TPRA1: variants seen among roughly 807,000 people sequenced by gnomAD.
TPRA1 encodes the protein transmembrane protein adipocyte associated 1, also known as transmembrane protein adipocyte-associated 1.
In TPRA1, 28 loss-of-function variants were observed where a neutral mutation model predicts 40.1. The ratio of observed to expected loss-of-function variants is 0.70; its 90% CI spans 0.52 to 0.96. The LOEUF is 0.96. TPRA1 is among the 40% of genes least tolerant of loss of function. TPRA1 has a pLI of 0.00. For synonymous variants in TPRA1, 219 were observed against 209.7 expected (o/e 1.04, Z -0.38); for missense variants, 441 against 482.6 (o/e 0.91, Z 0.81).
chr3:127,596,819 A>G (rs916873723), intron 1 of TPRA1, among the ~76,000 whole-genome samples: 2 of 152,054 alleles, frequency 1.3e-5, no homozygotes, highest in African/African-American at 4.8e-5. Flanking sequence ...ACCAACACCT[A>G]TAGACCCCAC....
Position 127,575,390 on chromosome 3 carries a change from G to A in TPRA1, c.773+13C>T, listed in dbSNP as rs756620905. The A allele has an allele frequency of 5.1e-6, 8 of 1,574,020 alleles. No homozygotes were observed. In the South Asian group the frequency reaches 8.1e-5, roughly 16 times the overall value. ...TGCCCCCACGAGGCAGACACCCTGC[G>A]GCCCCCACGCACCAGAGCCCCTCGA... On this transcript the variant is annotated intron_variant, in intron 9 of 10. Coordinates refer to ENST00000355552, the MANE Select transcript of TPRA1 (RefSeq NM_001136053.4).
At chr3:127,578,980 C>T (rs1291648313) in intron 3 of TPRA1, among the ~76,000 whole-genome samples, 5 of 152,110 alleles carry the variant, frequency 3.3e-5, no homozygotes, top group African/African-American at 9.7e-5. Flanking sequence ...CGGAAGCCTA[C>T]ACCTGGAGAG....
intron 1 of TPRA1, among the ~76,000 whole-genome samples, chr3:127,580,817 A>G (rs2073808712): frequency 6.6e-6 from 1 of 152,254 alleles, no homozygotes; most frequent in Non-Finnish European, 1.5e-5. Context: ...ACACTGAGCC[A>G]TGCCTAGAAG....
upstream of TPRA1, chr3:127,598,230 GCACGCGCACAGCGCCGGGCCGCA>G (rs1424959745): frequency 5.0e-6 from 3 of 603,090 alleles, no homozygotes; most frequent in African/African-American, 5.8e-5. Flanking sequence ...GCAGGCGAGC[GCACGCGCACAGCGCCGGGCCGCA>G]CACCTCCGGG....
chr3:127,573,860 T>G, intron 10 of TPRA1, 72 bp from the exon 11 acceptor site: 1 of 1,494,464 alleles, frequency 6.7e-7, no homozygotes, highest in Non-Finnish European at 8.9e-7. Flanking sequence ...TCCAGGCTGA[T>G]GGGGCCACCA....
rs936655497 is a variant in TPRA1, at chr3:127,575,060, G to A, written c.854+125C>T. 1.2e-5 allele frequency: 12 copies of A among 1,014,840 alleles called. No homozygotes were observed. The African/African-American group carries it at 1.3e-4, about 11-fold the overall frequency. The allele number at this position is 1,014,840 out of a possible 1,614,324, so 62.9% of individuals were successfully genotyped here. ...TATGTGTGTGCCCAAGTGCATGTAT[G>A]TATGTGCGTGCGCATGCGCACTGTA... On this transcript the variant is annotated intron_variant, in intron 10 of 10. Coordinates refer to ENST00000355552, the MANE Select transcript of TPRA1 (RefSeq NM_001136053.4).
chr3:127,571,656 G>A lies in TPRA1; in HGVS notation c.*1865C>T, dbSNP rs549824683. On this transcript the variant is annotated 3_prime_UTR_variant, in exon 11 of 11. Coordinates refer to ENST00000355552, the MANE Select transcript of TPRA1 (RefSeq NM_001136053.4). ...AGAAAGAGGGATGATATACACATCC[G>A]TTGGTGTGAACACAGGATGGCTCTG... 3.3e-5 allele frequency: 5 copies of A among 152,172 alleles called. No individual in the cohort carries two copies. In the East Asian group the frequency reaches 5.8e-4, roughly 18 times the overall value. The allele number at this position is 152,172 out of a possible 1,614,324, so 9.4% of individuals were successfully genotyped here. A position where few individuals can be genotyped will look rare whatever the true frequency, so the allele number is the denominator to read the frequency against.
At position 127,575,961 on chromosome 3, in the gene TPRA1, G is replaced by C. The variant is rs771851087; in HGVS notation, c.588C>G (p.Val196=). 1 of 1,614,006 alleles carries C rather than the reference G, an allele frequency of 6.2e-7. No homozygotes were observed. The highest frequency in any genetic ancestry group is 1.7e-5 in the Admixed American group (1 of 60,028). Residue 196 remains valine, a synonymous_variant, in exon 7 of 11, where the codon GTC becomes GTG. Transcript: ENST00000355552. The part of the protein sequence containing the change: ...YGHGGRQFWL[V]SSCFFFLVYS... ...TCACCAGGAAGAAGAAGCAGGAGCT[G>C]ACCAGCCAGAACTGGCGGCCCCCAT...
intron 1 of TPRA1, chr3:127,580,576 G>A (rs140452480): frequency 4.0e-4 from 72 of 178,334 alleles, no homozygotes; most frequent in African/African-American, 1.6e-3. Flanking sequence ...TGGAATGGGT[G>A]TAACAAGTGA....
Position 127,577,088 on chromosome 3 carries a change from G to A in TPRA1, c.259-12C>T. 1.2e-6 allele frequency: 2 copies of A among 1,613,094 alleles called. No individual in the cohort carries two copies. The highest frequency in any genetic ancestry group is 1.7e-4 in the Middle Eastern group (1 of 5,880). ...GCCACCACAAACACCTGGTGGGCAA[G>A]GGAGTGGTGTGGCAGTCAGGGAACA... On this transcript the variant is annotated splice_polypyrimidine_tract_variant and intron_variant, in intron 3 of 10. Transcript: ENST00000355552.
chr3:127,578,818 C>T (rs956357943), intron 3 of TPRA1, among the ~76,000 whole-genome samples: 13 of 152,146 alleles, frequency 8.5e-5, no homozygotes, highest in African/African-American at 1.9e-4. Flanking sequence ...AGGAGGGGAC[C>T]AGGGAGCCAC....
In TPRA1 at chr3:127,582,856, A is replaced by T. The variant is rs1277751790; in HGVS notation, c.-17-2693T>A. 2.0e-5 allele frequency among the ~76,000 whole-genome samples: 3 copies of T among 151,658 alleles called. No individual in the cohort carries two copies. The East Asian group carries it at 5.9e-4, about 30-fold the overall frequency. ...CCTCTACTAAAAAAAAAAAATACAA[A>T]ATTAGGGCCAGGCACGGTGGCTCAC... On this transcript the variant is annotated intron_variant, in intron 1 of 10. Coordinates refer to ENST00000355552, the MANE Select transcript of TPRA1 (RefSeq NM_001136053.4).
intron 8 of TPRA1, 73 bp from the exon 9 acceptor site, chr3:127,575,578 C>A: frequency 6.8e-7 from 1 of 1,469,192 alleles, no homozygotes; most frequent in East Asian, 2.4e-5. Flanking sequence ...CACCTACTAC[C>A]CTCAAGCCTG....
At position 127,573,396 on chromosome 3, in the gene TPRA1, TG is replaced by T; in HGVS notation, c.*124del. The T allele has an allele frequency of 7.7e-7, 1 of 1,302,870 alleles. No homozygotes were observed. The highest frequency in any genetic ancestry group is 1.0e-6 in the Non-Finnish European group (1 of 978,604). 80.7% of individuals were successfully genotyped at this position (1,302,870 alleles called of 1,614,324 possible). ...GGAGGTGGGGCCTCCAGACTCATGG[TG>T]GGAACAGGGCCACACAGGGCTACTG... On this transcript the variant is annotated 3_prime_UTR_variant, in exon 11 of 11. Coordinates refer to ENST00000355552, the MANE Select transcript of TPRA1 (RefSeq NM_001136053.4).
intron 1 of TPRA1, among the ~76,000 whole-genome samples, chr3:127,580,644 C>T (rs1020473876): frequency 6.6e-6 from 1 of 152,232 alleles, no homozygotes; most frequent in Non-Finnish European, 1.5e-5. Flanking sequence ...TTCTTGGTAG[C>T]GGTCAGCCAT....
rs144861962 is a variant in TPRA1 at position 127,580,098 on chromosome 3, G to A, written c.49C>T (p.Pro17Ser). The change falls in exon 2 of 11, where the codon CCC becomes TCC. Residue 17 changes from proline to serine, a missense_variant. Physicochemically the swap from Pro to Ser is moderately conservative, Grantham distance 74. Transcript: ENST00000355552. The part of the protein sequence containing the change: ...VTWANGSTAL[P>S]PPLAPNISVP... ...CTGATGTTTGGTGCCAGGGGTGGGG[G>A]TAGCGCTGTGCTCCCATTGGCCCAA... The A allele has an allele frequency of 2.9e-4, 464 of 1,613,638 alleles. No individual in the cohort carries two copies. The highest frequency in any genetic ancestry group is 3.8e-4 in the Non-Finnish European group (445 of 1,180,000).
upstream of TPRA1, among the ~76,000 whole-genome samples, chr3:127,592,760 G>A (rs576318287): frequency 4.6e-5 from 7 of 152,352 alleles, no homozygotes; most frequent in African/African-American, 1.7e-4. Context: ...AAGTGAGGAC[G>A]CGGCAAAGGT....
chr3:127,577,083 G>A lies in TPRA1; in HGVS notation c.259-7C>T. The A allele has an allele frequency of 6.2e-7, 1 of 1,613,166 alleles. No homozygotes were observed. Among genetic ancestry groups the A allele is most frequent in the Non-Finnish European group, 8.5e-7 (1 of 1,179,974 alleles). ...CCAGCGCCACCACAAACACCTGGTG[G>A]GCAAGGGAGTGGTGTGGCAGTCAGG... On this transcript the variant is annotated splice_region_variant and splice_polypyrimidine_tract_variant and intron_variant, in intron 3 of 10. Transcript: ENST00000355552.
chr3:127,592,510 C>A (rs570344908), upstream of TPRA1, among the ~76,000 whole-genome samples: 1 of 151,218 alleles, frequency 6.6e-6, no homozygotes, highest in African/African-American at 2.4e-5. Context: ...CTCAGCCTCC[C>A]GAGTAGCTGG....
Sources: allele counts gnomAD v4.1 joint callset (sites outside exome capture counted in the v4.1 genomes callset), GRCh38; gene constraint gnomAD v4.1.1; transcripts MANE v1.5; gene names NCBI Gene and HGNC (gene_info 2026-07-23, HGNC 2026-07-21).